KCNQ1OT1: variants seen among roughly 807,000 people sequenced by gnomAD.
KCNQ1OT1 encodes the protein KCNQ1 opposite strand/antisense transcript 1.
exon 1 of KCNQ1OT1, chr11:2,685,559 G>A (rs1220974464): frequency 2.5e-6 from 1 of 398,582 alleles, no homozygotes; most frequent in Non-Finnish European, 4.4e-6. Flanking sequence ...GATGACTACA[G>A]CTCTTGGCCC....
At chr11:2,622,651 A>G (rs1019659404) in exon 1 of KCNQ1OT1, 5 of 398,148 alleles carry the variant, frequency 1.3e-5, no homozygotes, top group Non-Finnish European at 2.2e-5. Context: ...GTGTTTGATG[A>G]TTTTCTGATA....
At position 2,621,145 on chromosome 11, in the gene KCNQ1OT1, T is replaced by C. The variant is rs537238457; in HGVS notation, n.78850A>G. ...GGTGACCGCCACCATACCTGGCTAA[T>C]TTTTGTGTTTTTAGTAGAGACGGGG... On this transcript the variant is annotated non_coding_transcript_exon_variant, in exon 1 of 1. Coordinates refer to ENST00000597346, the Ensembl canonical transcript of KCNQ1OT1. This position sits in a 1 kb window ranked among gnomAD's most constrained non-coding sequence, Gnocchi z 5.7. The C allele has an allele frequency of 3.8e-5, 15 of 396,626 alleles. No homozygotes were observed. The highest frequency in any genetic ancestry group is 6.7e-5 in the Non-Finnish European group (15 of 225,480). 24.6% of individuals were successfully genotyped at this position (396,626 alleles called of 1,614,324 possible).
Position 2,651,443 on chromosome 11 carries a change from G to C in KCNQ1OT1, n.48552C>G, listed in dbSNP as rs999927879. ...CCTGTGTGCAGCTCAGCAAGTGCCT[G>C]AAGTCAGAGGTAGTGCTTATGAAAG... On this transcript the variant is annotated non_coding_transcript_exon_variant, in exon 1 of 1. Coordinates refer to ENST00000597346, the Ensembl canonical transcript of KCNQ1OT1. The surrounding 1 kb of genome is among the most constrained non-coding windows in gnomAD (Gnocchi z 6.1). 3 of 398,620 alleles carry C rather than the reference G, an allele frequency of 7.5e-6. No individual in the cohort carries two copies. The highest frequency in any genetic ancestry group is 1.3e-5 in the Non-Finnish European group (3 of 226,154). 24.7% of individuals were successfully genotyped at this position (398,620 alleles called of 1,614,324 possible).
chr11:2,616,606 A>G, exon 1 of KCNQ1OT1: 2 of 398,194 alleles, frequency 5.0e-6, no homozygotes, highest in African/African-American at 4.1e-5. Flanking sequence ...ACTTTTTGAA[A>G]GTATTTTATA....
chr11:2,668,922 C>T lies in KCNQ1OT1; in HGVS notation n.31073G>A. ...CTGGTTTATTCTAAAGCTTTATTAGCTCACCTTTCCCATGTAGATCTGCAC... is the reference window on the plus strand; with the variant it reads ...CTGGTTTATTCTAAAGCTTTATTAGTTCACCTTTCCCATGTAGATCTGCAC... On this transcript the variant is annotated non_coding_transcript_exon_variant, in exon 1 of 1. Coordinates refer to ENST00000597346, the Ensembl canonical transcript of KCNQ1OT1. The surrounding 1 kb of genome is among the most constrained non-coding windows in gnomAD (Gnocchi z 4.3). The T allele has an allele frequency of 2.5e-6, 1 of 398,610 alleles. No individual in the cohort carries two copies. Among genetic ancestry groups the T allele is most frequent in the Non-Finnish European group, 4.4e-6 (1 of 226,066 alleles). 24.7% of individuals were successfully genotyped at this position (398,610 alleles called of 1,614,324 possible).
chr11:2,697,603 AT>A, exon 1 of KCNQ1OT1: 2 of 398,292 alleles, frequency 5.0e-6, no homozygotes, highest in African/African-American at 4.1e-5. Context: ...TTATCACATC[AT>A]TTTTTTCTGC....
exon 1 of KCNQ1OT1, chr11:2,638,898 A>T (rs1285324928): frequency 2.0e-5 from 3 of 152,118 alleles, no homozygotes; most frequent in Non-Finnish European, 4.4e-5. Context: ...TATTTCTTGG[A>T]GGCTTTGTTC....
Position 2,659,168 on chromosome 11 carries a change from G to C in KCNQ1OT1, n.40827C>G, listed in dbSNP as rs1433534703. 7.5e-6 allele frequency: 3 copies of C among 398,462 alleles called. No homozygotes were observed. Among genetic ancestry groups the C allele is most frequent in the Non-Finnish European group, 1.3e-5 (3 of 226,074 alleles). The allele number at this position is 398,462 out of a possible 1,614,324, so 24.7% of individuals were successfully genotyped here. A position where few individuals can be genotyped will look rare whatever the true frequency, so the allele number is the denominator to read the frequency against. On this transcript the variant is annotated non_coding_transcript_exon_variant, in exon 1 of 1. Coordinates refer to ENST00000597346, the Ensembl canonical transcript of KCNQ1OT1. The surrounding 1 kb of genome is among the most constrained non-coding windows in gnomAD (Gnocchi z 4.3). ...TTTGAGATTCAGTTCTGTGGGTTTTGACAGATGTCTGGAGTCATGTGTCCA... is the reference window on the plus strand; with the variant it reads ...TTTGAGATTCAGTTCTGTGGGTTTTCACAGATGTCTGGAGTCATGTGTCCA...
exon 1 of KCNQ1OT1, chr11:2,640,927 A>C: frequency 2.5e-6 from 1 of 399,250 alleles, no homozygotes; most frequent in Admixed American, 4.4e-5. Flanking sequence ...ACATAAGATA[A>C]TTATCTTTCT....
chr11:2,675,225 G>A (rs1850272000), exon 1 of KCNQ1OT1: 1 of 398,382 alleles, frequency 2.5e-6, no homozygotes, highest in Non-Finnish European at 4.4e-6. Flanking sequence ...GAATAGCCAG[G>A]GCCAAACCAG....
exon 1 of KCNQ1OT1, chr11:2,699,606 GCCCCCGGAGAGAACCGCGCCGAAGAA>G (rs1199345071): frequency 1.6e-4 from 35 of 218,928 alleles, no homozygotes; most frequent in African/African-American, 3.9e-4. Context: ...GCGGCGAGAG[GCCCCCGGAGAGAACCGCGCCGAAGAA>G]CCCCCGGGGA....
exon 1 of KCNQ1OT1, chr11:2,634,175 T>C: frequency 2.7e-6 from 1 of 375,566 alleles, no homozygotes; most frequent in Non-Finnish European, 4.6e-6. Flanking sequence ...TCTCTCTCCC[T>C]TTTTTTTATT....
rs954012787 is a variant in KCNQ1OT1 at position 2,669,331 on chromosome 11, C to T, written n.30664G>A. On this transcript the variant is annotated non_coding_transcript_exon_variant, in exon 1 of 1. Transcript: ENST00000597346. The surrounding 1 kb of genome is among the most constrained non-coding windows in gnomAD (Gnocchi z 5.6). ...GTTGCCATGGAAAGCCTCCTCTAGG[C>T]GCAGCAGCCTCTAGATGGGCATGGG... 7.5e-5 allele frequency: 30 copies of T among 398,522 alleles called. No individual in the cohort carries two copies. Among genetic ancestry groups the T allele is most frequent in the African/African-American group, 1.2e-4 (6 of 48,622 alleles). 24.7% of individuals were successfully genotyped at this position (398,522 alleles called of 1,614,324 possible). A position where few individuals can be genotyped will look rare whatever the true frequency, so the allele number is the denominator to read the frequency against.
rs1477425209 is a variant in KCNQ1OT1 at position 2,661,464 on chromosome 11, T to C, written n.38531A>G. 2.3e-6 allele frequency: 1 copy of C among 439,246 alleles called. No homozygotes were observed. Among genetic ancestry groups the C allele is most frequent in the Non-Finnish European group, 4.0e-6 (1 of 249,840 alleles). The allele number at this position is 439,246 out of a possible 1,614,324, so 27.2% of individuals were successfully genotyped here. On this transcript the variant is annotated non_coding_transcript_exon_variant, in exon 1 of 1. Transcript: ENST00000597346. This position sits in a 1 kb window ranked among gnomAD's most constrained non-coding sequence, Gnocchi z 5.9. ...GCATCGTGTTTTGAGGAAGGAGTTC[T>C]GTGGCTGCCCCCACCTCCCAGGCTT... is the stretch of plus-strand genomic sequence containing the variant.
At chr11:2,656,230 C>T (rs1281680405) in exon 1 of KCNQ1OT1, 1 of 398,520 alleles carries the variant, frequency 2.5e-6, no homozygotes, top group African/African-American at 2.1e-5. Context: ...TTAGCTCTGT[C>T]ACTTGACAAC....
chr11:2,632,394 T>C (rs570334741), exon 1 of KCNQ1OT1: 6 of 398,442 alleles, frequency 1.5e-5, no homozygotes, highest in African/African-American at 1.2e-4. Flanking sequence ...AGAAAGCCAC[T>C]ACTATGTTTA....
At chr11:2,672,475 C>A (rs1189925675) in exon 1 of KCNQ1OT1, 2 of 398,522 alleles carry the variant, frequency 5.0e-6, no homozygotes, top group Admixed American at 8.8e-5. Flanking sequence ...TCCCTAAGGT[C>A]CCCACATTCC....
exon 1 of KCNQ1OT1, chr11:2,633,983 T>G: frequency 2.5e-6 from 1 of 398,644 alleles, no homozygotes; most frequent in Non-Finnish European, 4.4e-6. Context: ...TCTATGTTGT[T>G]GAAGAGTCGA....
chr11:2,629,245 A>T, exon 1 of KCNQ1OT1: 1 of 398,226 alleles, frequency 2.5e-6, no homozygotes, highest in Non-Finnish European at 4.4e-6. Context: ...CTTTCCATTT[A>T]TTTGTATCAT....
Sources: allele counts gnomAD v4.1 joint callset, GRCh38; gene constraint gnomAD v4.1.1; non-coding constraint Gnocchi (gnomAD v3.1); transcripts MANE v1.5; gene names NCBI Gene and HGNC (gene_info 2026-07-23, HGNC 2026-07-21).